The following GABRB1 variants were observed in gnomAD, a reference collection of about 807,000 sequenced individuals.
GABRB1 encodes gamma-aminobutyric acid type A receptor subunit beta1.
In GABRB1, 17 loss-of-function variants were observed where a neutral mutation model predicts 51.6. The ratio of observed to expected loss-of-function variants is 0.33; its 90% CI spans 0.23 to 0.49. The LOEUF (loss-of-function observed/expected upper bound fraction) is 0.49. Among genes scored for constraint, GABRB1 ranks in the 20% least tolerant of loss-of-function variants. The pLI is 0.99. For synonymous variants in GABRB1, 247 were observed against 218.9 expected, an observed-to-expected ratio of 1.13 and a Z score of -1.14; for missense variants, 410 against 600.6, an observed-to-expected ratio of 0.68 and a Z score of 3.32.
chr4:47,307,055 A>AT (rs1430961321), intron 4 of GABRB1, among the ~76,000 whole-genome samples: 1 of 152,090 alleles, frequency 6.6e-6, no homozygotes, highest in Non-Finnish European at 1.5e-5. Flanking sequence ...GTATCCATTT[A>AT]TTTTCTCACC....
intron 1 of GABRB1, among the ~76,000 whole-genome samples, chr4:47,018,462 C>T (rs542466253): frequency 5.9e-5 from 9 of 152,226 alleles, no homozygotes; most frequent in African/African-American, 2.2e-4. Context: ...ATGATAATGT[C>T]AGAAATCTAC....
chr4:47,364,939 A>G (rs1399658313), intron 5 of GABRB1, among the ~76,000 whole-genome samples: 1 of 152,262 alleles, frequency 6.6e-6, no homozygotes, highest in Non-Finnish European at 1.5e-5. Flanking sequence ...AATAGAAATA[A>G]GGAAAAAATT....
At chr4:47,053,770 G>A (rs1291078673) in intron 3 of GABRB1, among the ~76,000 whole-genome samples, 2 of 152,170 alleles carry the variant, frequency 1.3e-5, no homozygotes, top group Admixed American at 6.5e-5. Context: ...CTGGAAAAAT[G>A]AGTGGGTTCT....
chr4:47,222,597 A>G (rs1411950857), intron 4 of GABRB1, among the ~76,000 whole-genome samples: 1 of 152,122 alleles, frequency 6.6e-6, no homozygotes, highest in Non-Finnish European at 1.5e-5. Flanking sequence ...ATGTGAGTGA[A>G]GCCATCTTAG....
intron 3 of GABRB1, among the ~76,000 whole-genome samples, chr4:47,159,459 G>T (rs1015848380): frequency 2.0e-5 from 3 of 151,440 alleles, no homozygotes; most frequent in Non-Finnish European, 4.4e-5. Flanking sequence ...ACTTGTAGAG[G>T]ATGCAAATGA....
At chr4:47,224,611 G>A (rs1720886004) in intron 4 of GABRB1, among the ~76,000 whole-genome samples, 1 of 152,190 alleles carries the variant, frequency 6.6e-6, no homozygotes, top group African/African-American at 2.4e-5. Flanking sequence ...AGCAAGGGTG[G>A]AGGGTACTCT....
intron 5 of GABRB1, among the ~76,000 whole-genome samples, chr4:47,366,569 C>T (rs1277079731): frequency 6.6e-6 from 1 of 152,094 alleles, no homozygotes; most frequent in Non-Finnish European, 1.5e-5. Flanking sequence ...AACTGAGTCT[C>T]CTATTTTATC....
chr4:47,262,191 A>G (rs1395448241), intron 4 of GABRB1, among the ~76,000 whole-genome samples: 1 of 151,802 alleles, frequency 6.6e-6, no homozygotes, highest in Non-Finnish European at 1.5e-5. Flanking sequence ...AAATTGACAA[A>G]TGGGATCTCA....
chr4:46,994,973 G>A (rs1428900259), intron 1 of GABRB1, among the ~76,000 whole-genome samples: 2 of 152,090 alleles, frequency 1.3e-5, no homozygotes, highest in Admixed American at 6.5e-5. Flanking sequence ...TGCTCATCGT[G>A]GGCAGTAGCT....
intron 8 of GABRB1, among the ~76,000 whole-genome samples, chr4:47,408,099 T>C (rs996058558): frequency 6.6e-6 from 1 of 152,024 alleles, no homozygotes; most frequent in African/African-American, 2.4e-5. Context: ...CTTAAAATAA[T>C]AATAATTTTA....
intron 5 of GABRB1, among the ~76,000 whole-genome samples, chr4:47,358,718 G>A (rs1227911553): frequency 1.3e-5 from 2 of 152,108 alleles, no homozygotes; most frequent in Non-Finnish European, 2.9e-5. Context: ...TCTGAAGTTA[G>A]AACTCCAACA....
chr4:47,281,468 A>G (rs1723291047), intron 4 of GABRB1, among the ~76,000 whole-genome samples: 1 of 152,198 alleles, frequency 6.6e-6, no homozygotes, highest in South Asian at 2.1e-4. Context: ...TAGTACAATC[A>G]TTTTGGAAAA....
intron 4 of GABRB1, among the ~76,000 whole-genome samples, chr4:47,278,595 G>T (rs561065146): frequency 1.1e-3 from 151 of 142,116 alleles, no homozygotes; most frequent in African/African-American, 3.9e-3. Context: ...TGTTGAACTG[G>T]GTGGAGCTCC....
At chr4:47,123,935 A>T (rs1470472336) in intron 3 of GABRB1, among the ~76,000 whole-genome samples, 6 of 108,902 alleles carry the variant, frequency 5.5e-5, no homozygotes, top group African/African-American at 1.1e-4. Context: ...ATAATATATT[A>T]TATATATTAT....
In GABRB1 at chr4:47,210,505, C is replaced by T. The variant is rs189210348; in HGVS notation, c.461+49036C>T. ...GTTCCATTTAAGGTAACTATTTTTA[C>T]ATCGTGGCATTTCCCCTGCATTATT... On this transcript the variant is annotated intron_variant, in intron 4 of 8. Coordinates refer to ENST00000295454, the MANE Select transcript of GABRB1 (RefSeq NM_000812.4). Among the ~76,000 whole-genome samples, 1,036 of 152,234 alleles carry T rather than the reference C, an allele frequency of 6.8e-3. 5 individuals carry two copies. The highest frequency in any genetic ancestry group is 0.034 in the Middle Eastern group (10 of 294).
chr4:47,378,149 G>A (rs907077008), intron 5 of GABRB1, among the ~76,000 whole-genome samples: 3 of 152,188 alleles, frequency 2.0e-5, no homozygotes, highest in Non-Finnish European at 4.4e-5. Flanking sequence ...GCGGGGAGTC[G>A]TGGGGAGGCT....
At chr4:47,387,647 G>A (rs151238652) in intron 5 of GABRB1, among the ~76,000 whole-genome samples, 130 of 152,280 alleles carry the variant, frequency 8.5e-4, no homozygotes, top group African/African-American at 3.0e-3. Context: ...TGCTTTAATG[G>A]AAGACCAGTG....
At chr4:47,105,309 T>C (rs1714913965) in intron 3 of GABRB1, among the ~76,000 whole-genome samples, 1 of 152,060 alleles carries the variant, frequency 6.6e-6, no homozygotes, top group Non-Finnish European at 1.5e-5. Flanking sequence ...CAATCTCTCT[T>C]TTATCTCTCT....
intron 5 of GABRB1, among the ~76,000 whole-genome samples, chr4:47,345,171 G>T (rs1467100724): frequency 6.6e-6 from 1 of 152,096 alleles, no homozygotes; most frequent in African/African-American, 2.4e-5. Flanking sequence ...TTTTAGAATT[G>T]GCATCAAATA....
Sources: gnomAD v4.1 joint callset for allele counts (sites outside exome capture counted in the v4.1 genomes callset) on GRCh38, gnomAD v4.1.1 for gene constraint, MANE v1.5 for transcripts, NCBI Gene and HGNC (gene_info 2026-07-23, HGNC 2026-07-21) for gene names.